CHCHD6: variants seen among roughly 807,000 people sequenced by gnomAD.
CHCHD6 encodes coiled-coil-helix-coiled-coil-helix domain containing 6.
A neutral mutation model predicts 32.3 loss-of-function variants in CHCHD6; 28 were observed. The ratio of observed to expected loss-of-function variants is 0.87; its 90% confidence interval spans 0.64 to 1.19. The LOEUF is 1.19. Among genes scored for constraint, CHCHD6 ranks in the 50% most tolerant of loss-of-function variants. CHCHD6 has a pLI of 0.00. For missense variants in CHCHD6, 333 were observed against 307.0 expected, an observed-to-expected ratio of 1.08 and a Z score of -0.63; for synonymous variants, 122 against 117.5, an observed-to-expected ratio of 1.04 and a Z score of -0.25.
intron 2 of CHCHD6, among the ~76,000 whole-genome samples, chr3:126,728,187 TCCTGTGC>T (rs1241977863): frequency 6.6e-6 from 1 of 152,184 alleles, no homozygotes; most frequent in African/African-American, 2.4e-5. Flanking sequence ...CAGAACCAAG[TCCTGTGC>T]CCTGTGCCAA....
intron 1 of CHCHD6, among the ~76,000 whole-genome samples, chr3:126,721,811 G>C (rs542236337): frequency 6.7e-6 from 1 of 148,182 alleles, no homozygotes; most frequent in African/African-American, 2.5e-5. Context: ...CTACTTTTGT[G>C]TCTAGAGATT....
chr3:126,802,167 C>T (rs1576433726), intron 4 of CHCHD6, among the ~76,000 whole-genome samples: 1 of 152,208 alleles, frequency 6.6e-6, no homozygotes, highest in Non-Finnish European at 1.5e-5. Flanking sequence ...CTCTCCTCCT[C>T]CAAAGGAATG....
chr3:126,873,277 T>C (rs1423991201), intron 5 of CHCHD6, among the ~76,000 whole-genome samples: 1 of 152,224 alleles, frequency 6.6e-6, no homozygotes, highest in African/African-American at 2.4e-5. Context: ...ACCTGGTGGT[T>C]GTTCAAGTGC....
In CHCHD6 at chr3:126,802,700, G is replaced by C. The variant is rs144409689; in HGVS notation, c.412-49947G>C. Reference sequence around the variant, plus strand: ...CCATGCAGGCCAACATTCAAATTCAGGAAATACAGAGAACACCACAAAGAT... The same window carrying C: ...CCATGCAGGCCAACATTCAAATTCACGAAATACAGAGAACACCACAAAGAT... On this transcript the variant is annotated intron_variant, in intron 4 of 7. Coordinates refer to ENST00000290913, the MANE Select transcript of CHCHD6 (RefSeq NM_032343.3). 5.7e-3 allele frequency among the ~76,000 whole-genome samples: 872 copies of C among 152,206 alleles called. 5 individuals carry two copies. The highest frequency in any genetic ancestry group is 0.019 in the African/African-American group (790 of 41,524).
intron 4 of CHCHD6, among the ~76,000 whole-genome samples, chr3:126,796,036 T>G (rs1176395361): frequency 6.6e-6 from 1 of 152,142 alleles, no homozygotes; most frequent in Non-Finnish European, 1.5e-5. Context: ...GGTGGCACTC[T>G]TACTGGCTAG....
chr3:126,741,517 C>G (rs751447164), intron 4 of CHCHD6, among the ~76,000 whole-genome samples: 3 of 152,104 alleles, frequency 2.0e-5, no homozygotes, highest in Non-Finnish European at 2.9e-5. Flanking sequence ...TGAGGCTGCT[C>G]CTACTCAACC....
chr3:126,734,508 C>T (rs1263567666), intron 4 of CHCHD6, among the ~76,000 whole-genome samples: 3 of 152,202 alleles, frequency 2.0e-5, no homozygotes, highest in Non-Finnish European at 4.4e-5. Context: ...AATTTGATGA[C>T]TACACAAATG....
intron 5 of CHCHD6, among the ~76,000 whole-genome samples, chr3:126,890,038 T>C (rs2077734913): frequency 6.6e-6 from 1 of 152,236 alleles, no homozygotes; most frequent in Admixed American, 6.5e-5. Flanking sequence ...TCCTGTGGGC[T>C]GCATGGCCCA....
chr3:126,940,165 G>A (rs1038669626), intron 6 of CHCHD6, among the ~76,000 whole-genome samples: 4 of 152,140 alleles, frequency 2.6e-5, no homozygotes, highest in Non-Finnish European at 5.9e-5. Flanking sequence ...TATTGTAAAA[G>A]GAAATCAAAC....
chr3:126,935,647 G>A (rs1157897191), intron 6 of CHCHD6, among the ~76,000 whole-genome samples: 1 of 152,186 alleles, frequency 6.6e-6, no homozygotes, highest in African/African-American at 2.4e-5. Context: ...CCAAAAGTCT[G>A]TTTGAAGATA....
chr3:126,941,137 G>C (rs1331902344), intron 6 of CHCHD6, among the ~76,000 whole-genome samples: 1 of 152,178 alleles, frequency 6.6e-6, no homozygotes, highest in Non-Finnish European at 1.5e-5. Flanking sequence ...TTTAGGACAA[G>C]TACTTCTATG....
At chr3:126,799,896 A>G (rs1938983961) in intron 4 of CHCHD6, among the ~76,000 whole-genome samples, 1 of 152,148 alleles carries the variant, frequency 6.6e-6, no homozygotes, top group East Asian at 1.9e-4. Context: ...AGTCTTTTTC[A>G]TTTAGCAAAA....
Position 126,730,604 on chromosome 3 carries a change from C to A in CHCHD6, c.240C>A (p.Pro80=), listed in dbSNP as rs751631378. ...PRSGSSGGQQ[P]SGMKEGVKRY... is the part of the protein sequence containing the mutation. ...CGGGGAGCAGTGGTGGCCAGCAGCC[C>A]TCAGGGATGAAGGAGGGTGTCAAGA... The change falls in exon 3 of 8, where the codon CCC becomes CCA. Residue 80 remains proline (P), a synonymous_variant. Coordinates refer to ENST00000290913, the MANE Select transcript of CHCHD6 (RefSeq NM_032343.3). 3 of 1,613,772 alleles carry A rather than the reference C, an allele frequency of 1.9e-6. No individual in the cohort carries two copies. The highest frequency in any genetic ancestry group is 2.7e-5 in the African/African-American group (2 of 74,904).
intron 4 of CHCHD6, among the ~76,000 whole-genome samples, chr3:126,802,264 G>C (rs1293056233): frequency 1.3e-5 from 2 of 152,144 alleles, no homozygotes; most frequent in Non-Finnish European, 2.9e-5. Flanking sequence ...TCAAACTACT[G>C]TGAGCTACAG....
chr3:126,945,453 G>C (rs1370260309), intron 6 of CHCHD6, among the ~76,000 whole-genome samples: 1 of 151,112 alleles, frequency 6.6e-6, no homozygotes, highest in Non-Finnish European at 1.5e-5. Context: ...CGAGTGGGGA[G>C]ACTTGGGAGC....
intron 5 of CHCHD6, among the ~76,000 whole-genome samples, chr3:126,886,422 G>A (rs1312339723): frequency 1.3e-5 from 2 of 152,274 alleles, no homozygotes; most frequent in East Asian, 1.9e-4. Flanking sequence ...GCACATCTAC[G>A]CTGTAGACAC....
chr3:126,863,544 C>T (rs1376302829), intron 5 of CHCHD6, among the ~76,000 whole-genome samples: 4 of 138,412 alleles, frequency 2.9e-5, no homozygotes, highest in Non-Finnish European at 4.7e-5. Flanking sequence ...CCTCCTCCTC[C>T]ACCATCACCA....
chr3:126,777,195 T>C (rs1157088657), intron 4 of CHCHD6, among the ~76,000 whole-genome samples: 2 of 152,234 alleles, frequency 1.3e-5, no homozygotes, highest in African/African-American at 4.8e-5. Flanking sequence ...TGTTTTTATT[T>C]AATGGATTTG....
intron 5 of CHCHD6, among the ~76,000 whole-genome samples, chr3:126,854,432 G>A (rs781065731): frequency 7.9e-5 from 12 of 152,174 alleles, no homozygotes; most frequent in Non-Finnish European, 1.6e-4. Context: ...TTAAAGGGGA[G>A]CCAGGGGGAG....
Sources: allele counts gnomAD v4.1 joint callset (sites outside exome capture counted in the v4.1 genomes callset), GRCh38; gene constraint gnomAD v4.1.1; transcripts MANE v1.5; gene names NCBI Gene and HGNC (gene_info 2026-07-23, HGNC 2026-07-21).